Variants in FBXW7 observed in about 807,000 individuals in gnomAD.
FBXW7 encodes the protein F-box and WD repeat domain containing 7.
A neutral mutation model predicts 86.3 loss-of-function variants in FBXW7; 11 were observed. The ratio of observed to expected loss-of-function variants is 0.13; its 90% confidence interval spans 0.08 to 0.21. FBXW7 has a LOEUF of 0.21. FBXW7 is among the 10% of genes least tolerant of loss of function. The probability of loss-of-function intolerance (pLI) is 1.00; values close to 1 mark genes in which losing one functional copy is unlikely to be tolerated. For synonymous variants in FBXW7, 313 were observed against 297.9 expected (o/e 1.05, Z -0.52); for missense variants, 488 against 847.4 (o/e 0.58, Z 5.27).
chr4:152,498,675 T>C (rs894495022), intron 2 of FBXW7, among the ~76,000 whole-genome samples: 1 of 152,194 alleles, frequency 6.6e-6, no homozygotes, highest in African/African-American at 2.4e-5. Flanking sequence ...TTGCACTTAA[T>C]GTCTAAACAA....
At chr4:152,487,620 G>A (rs531682919) in intron 2 of FBXW7, among the ~76,000 whole-genome samples, 92 of 152,104 alleles carry the variant, frequency 6.0e-4, no homozygotes, top group Admixed American at 3.1e-3. Context: ...AGAGGCAAAA[G>A]AATGAGATTA....
chr4:152,364,063 A>G (rs1031194866), intron 4 of FBXW7, among the ~76,000 whole-genome samples: 3 of 152,204 alleles, frequency 2.0e-5, no homozygotes, highest in Non-Finnish European at 4.4e-5. Context: ...CGGACTATGC[A>G]GCTAATTGTG....
At chr4:152,519,073 T>C (rs1748766542) in intron 2 of FBXW7, among the ~76,000 whole-genome samples, 1 of 152,056 alleles carries the variant, frequency 6.6e-6, no homozygotes, top group Admixed American at 6.6e-5. Context: ...TGAAGGTGGG[T>C]GGATCACGAG....
rs1729232972 is a variant in FBXW7 at position 152,328,197 on chromosome 4, T to C, written c.1418+11A>G. On this transcript the variant is annotated intron_variant, in intron 11 of 13. Coordinates refer to ENST00000281708, the MANE Select transcript of FBXW7 (RefSeq NM_001349798.2). ...GGAAGAAGTCCCAACCATGACAAGATTTTCCCTTACCTTTTTTCATGAAGA... is the reference window on the plus strand; with the variant it reads ...GGAAGAAGTCCCAACCATGACAAGACTTTCCCTTACCTTTTTTCATGAAGA... The C allele has an allele frequency of 1.3e-6, 2 of 1,580,184 alleles. No individual in the cohort carries two copies. Among genetic ancestry groups the C allele is most frequent in the Admixed American group, 3.7e-5 (2 of 54,402 alleles).
At chr4:152,485,021 T>C (rs1745220841) in intron 2 of FBXW7, among the ~76,000 whole-genome samples, 1 of 149,820 alleles carries the variant, frequency 6.7e-6, no homozygotes, top group African/African-American at 2.5e-5. Context: ...AAAACATGAA[T>C]TCTAGTTAAC....
chr4:152,447,601 A>G (rs953842712), intron 2 of FBXW7, among the ~76,000 whole-genome samples: 1 of 152,202 alleles, frequency 6.6e-6, no homozygotes, highest in African/African-American at 2.4e-5. Flanking sequence ...GAAATTTATA[A>G]TACTTGATAT....
At chr4:152,460,728 A>T (rs1365633630) in intron 2 of FBXW7, among the ~76,000 whole-genome samples, 1 of 152,154 alleles carries the variant, frequency 6.6e-6, no homozygotes, top group African/African-American at 2.4e-5. Context: ...ATGTGCTAAC[A>T]TCTGTTTTTT....
Position 152,418,127 on chromosome 4 carries a change from C to CCACACACA in FBXW7, c.-119-5606_-119-5599dup, listed in dbSNP as rs3047865. 4.5e-3 allele frequency among the ~76,000 whole-genome samples: 648 copies of CCACACACA among 143,928 alleles called. 1 individual carries two copies. The highest frequency in any genetic ancestry group is 0.014 in the African/African-American group (558 of 39,088). The allele number at this position is 143,928 out of a possible 152,430, so 94.4% of individuals were successfully genotyped here. On this transcript the variant is annotated intron_variant, in intron 2 of 13. Coordinates refer to ENST00000281708, the MANE Select transcript of FBXW7 (RefSeq NM_001349798.2). ...TCACTCATTTAAAGAACAGCTCTTA[C>CCACACACA]CACACACACACACACACACACACAC...
intron 2 of FBXW7, among the ~76,000 whole-genome samples, chr4:152,459,769 T>TA (rs915172460): frequency 1.3e-5 from 2 of 152,078 alleles, no homozygotes; most frequent in African/African-American, 4.8e-5. Context: ...ACAACAATAA[T>TA]AAAAAAGAAC....
At chr4:152,480,887 T>C (rs1214268151) in intron 2 of FBXW7, among the ~76,000 whole-genome samples, 2 of 152,206 alleles carry the variant, frequency 1.3e-5, no homozygotes, top group Non-Finnish European at 2.9e-5. Context: ...GGAAAGAAGC[T>C]GTCTCCATAA....
At chr4:152,335,895 C>A (rs909141357) in intron 7 of FBXW7, among the ~76,000 whole-genome samples, 11 of 152,156 alleles carry the variant, frequency 7.2e-5, no homozygotes, top group Admixed American at 5.9e-4. Flanking sequence ...CAATGCTATT[C>A]ATCACAAGCC....
intron 2 of FBXW7, among the ~76,000 whole-genome samples, chr4:152,484,473 C>T (rs974437787): frequency 6.6e-6 from 1 of 152,066 alleles, no homozygotes; most frequent in Non-Finnish European, 1.5e-5. Context: ...AATTACTTGG[C>T]TACACATACA....
chr4:152,382,192 T>C (rs1735139083), intron 4 of FBXW7: 2 of 1,551,968 alleles, frequency 1.3e-6, no homozygotes, highest in East Asian at 2.4e-5. Flanking sequence ...GACTTACCCG[T>C]CTTCGACAAA....
In FBXW7 at chr4:152,437,762, C is replaced by T. The variant is rs77482721; in HGVS notation, c.-119-25233G>A. Reference sequence around the variant, plus strand: ...ATTTTAAGAAACTGACACAGCCATTCCAACCCTCAGCAACATCACTCTATC... The same window carrying T: ...ATTTTAAGAAACTGACACAGCCATTTCAACCCTCAGCAACATCACTCTATC... On this transcript the variant is annotated intron_variant, in intron 2 of 13. Coordinates refer to ENST00000281708, the MANE Select transcript of FBXW7 (RefSeq NM_001349798.2). Among the ~76,000 whole-genome samples the T allele has an allele frequency of 5.8e-3, 880 of 152,340 alleles. 8 individuals are homozygous for T. Among genetic ancestry groups the T allele is most frequent in the Middle Eastern group, 0.01 (3 of 294 alleles).
chr4:152,441,116 A>T (rs1024287548), intron 2 of FBXW7, among the ~76,000 whole-genome samples: 2 of 152,172 alleles, frequency 1.3e-5, no homozygotes, highest in Non-Finnish European at 2.9e-5. Flanking sequence ...ATGTATATTC[A>T]GCAACTCGAA....
intron 10 of FBXW7, among the ~76,000 whole-genome samples, chr4:152,329,357 G>A (rs1169034513): frequency 6.6e-6 from 1 of 151,794 alleles, no homozygotes; most frequent in Non-Finnish European, 1.5e-5. Flanking sequence ...AACTTAGATA[G>A]TAAATAAAAG....
chr4:152,399,749 A>G (rs1055243107), intron 4 of FBXW7, among the ~76,000 whole-genome samples: 5 of 152,168 alleles, frequency 3.3e-5, no homozygotes, highest in Non-Finnish European at 7.4e-5. Flanking sequence ...TGAATCTAAT[A>G]AAATATGTAT....
intron 2 of FBXW7, among the ~76,000 whole-genome samples, chr4:152,458,030 G>A (rs1490453092): frequency 6.6e-6 from 1 of 151,694 alleles, no homozygotes; most frequent in African/African-American, 2.4e-5. Context: ...TTGTTTTTGA[G>A]ATGGAGTCTC....
chr4:152,421,361 T>C (rs1738923451), intron 2 of FBXW7, among the ~76,000 whole-genome samples: 1 of 152,190 alleles, frequency 6.6e-6, no homozygotes, highest in South Asian at 2.1e-4. Context: ...GCTGTTTTGC[T>C]TATAATTCAT....
Sources: gnomAD v4.1 joint callset for allele counts (sites outside exome capture counted in the v4.1 genomes callset) on GRCh38, gnomAD v4.1.1 for gene constraint, MANE v1.5 for transcripts, NCBI Gene and HGNC (gene_info 2026-07-23, HGNC 2026-07-21) for gene names.